PRTG: variants seen among roughly 807,000 people sequenced by gnomAD.
The protein encoded by PRTG is immunoglobulin superfamily, DCC subclass, member 5.
Under a neutral mutation model 122.5 loss-of-function variants are expected in PRTG, and 67 were observed. That is an observed-to-expected ratio of 0.55 (90% CI 0.45 to 0.67). The LOEUF is 0.67. Ranked by LOEUF, PRTG falls within the 30% of genes least tolerant of loss-of-function variation. The probability of loss-of-function intolerance (pLI) is 0.00; values close to 1 mark genes in which losing one functional copy is unlikely to be tolerated. For synonymous variants in PRTG, 554 were observed against 501.1 expected (o/e 1.11, Z -1.41); for missense variants, 1,435 against 1,415.4 (o/e 1.01, Z -0.22).
intron 11 of PRTG, 53 bp from the exon 12 acceptor site, chr15:55,641,261 A>C: frequency 7.5e-7 from 1 of 1,326,030 alleles, no homozygotes; most frequent in Non-Finnish European, 1.1e-6. Flanking sequence ...GATCTGAGCA[A>C]AGGTTCTGAA....
intron 11 of PRTG, among the ~76,000 whole-genome samples, chr15:55,651,455 A>T (rs1208720775): frequency 7.2e-5 from 11 of 152,158 alleles, no homozygotes; most frequent in Non-Finnish European, 1.5e-5. Context: ...GCAAAAGCTA[A>T]AAAGCTCGCT....
Position 55,643,437 on chromosome 15 carries a change from TTTTG to T in PRTG, c.2042-2233_2042-2230del, listed in dbSNP as rs1341483558. Reference sequence around the variant, plus strand: ...GTGTAAGCTGTGATACCAATGTTTCTTTTGTTTGTTTTCTGAGAGAGGGTCTTAC... The same window carrying T: ...GTGTAAGCTGTGATACCAATGTTTCTTTTGTTTTCTGAGAGAGGGTCTTAC... On this transcript the variant is annotated intron_variant, in intron 11 of 19. Coordinates refer to ENST00000389286, the MANE Select transcript of PRTG (RefSeq NM_173814.6). 7.2e-5 allele frequency among the ~76,000 whole-genome samples: 11 copies of T among 152,198 alleles called. 1 individual carries two copies. The highest frequency in any genetic ancestry group is 5.2e-4 in the Admixed American group (8 of 15,286).
chr15:55,644,372 T>C (rs2059308927), intron 11 of PRTG, among the ~76,000 whole-genome samples: 2 of 152,168 alleles, frequency 1.3e-5, no homozygotes. Context: ...GATAATCTTT[T>C]TTCTACCATG....
chr15:55,660,010 C>A (rs947089614), intron 11 of PRTG, among the ~76,000 whole-genome samples: 6 of 152,052 alleles, frequency 3.9e-5, no homozygotes, highest in African/African-American at 1.2e-4. Flanking sequence ...GTTTCACTAT[C>A]CATAAGTAAT....
At chr15:55,706,304 C>G (rs1322136409) in intron 2 of PRTG, among the ~76,000 whole-genome samples, 5 of 151,978 alleles carry the variant, frequency 3.3e-5, no homozygotes, top group African/African-American at 1.2e-4. Flanking sequence ...ATCAAGAAGA[C>G]AGTGACACGT....
At position 55,620,654 on chromosome 15, in the gene PRTG, A is replaced by G. The variant is rs1016185386; in HGVS notation, c.3198+9T>C. The G allele has an allele frequency of 6.4e-7, 1 of 1,574,786 alleles. No individual in the cohort carries two copies. Among genetic ancestry groups the G allele is most frequent in the African/African-American group, 1.4e-5 (1 of 72,108 alleles). ...ATTGCCAAAAATTTTTCTCATTTAG[A>G]TAGGTTACCTGCTCAACTTGTATCT... is the stretch of plus-strand genomic sequence containing the variant. On this transcript the variant is annotated intron_variant, in intron 19 of 19. Coordinates refer to ENST00000389286, the MANE Select transcript of PRTG (RefSeq NM_173814.6).
At chr15:55,681,666 T>A (rs990224893) in intron 4 of PRTG, among the ~76,000 whole-genome samples, 1 of 152,208 alleles carries the variant, frequency 6.6e-6, no homozygotes, top group Non-Finnish European at 1.5e-5. Flanking sequence ...TTCATAAACA[T>A]TGCTTTTTAT....
chr15:55,654,088 G>T (rs1040178423), intron 11 of PRTG, among the ~76,000 whole-genome samples: 1 of 152,162 alleles, frequency 6.6e-6, no homozygotes, highest in African/African-American at 2.4e-5. Flanking sequence ...AGATTGGAAG[G>T]TCCCACAAAC....
In PRTG at chr15:55,679,328, C is replaced by T; in HGVS notation, c.1091G>A (p.Gly364Glu). ...TCTACCATTCGAATGTATCTTCCTT[C>T]CATTTTTCAACCATGACATCTTGGG... ...PSPKMSWLKN[G>E]RKIHSNGRIK... The change falls in exon 7 of 20, where the codon GGA (glycine) becomes GAA (glutamate). Residue 364 changes from glycine (G) to glutamate (E), a missense_variant. Gly to Glu is a moderately conservative substitution (Grantham distance 98). Coordinates refer to ENST00000389286, the MANE Select transcript of PRTG (RefSeq NM_173814.6). 1 of 1,613,270 alleles carries T rather than the reference C, an allele frequency of 6.2e-7. No individual in the cohort carries two copies. Among genetic ancestry groups the T allele is most frequent in the Non-Finnish European group, 8.5e-7 (1 of 1,179,304 alleles).
intron 15 of PRTG, 74 bp from the exon 16 acceptor site, chr15:55,629,078 C>A: frequency 2.1e-6 from 2 of 944,756 alleles, no homozygotes; most frequent in Admixed American, 2.7e-5. Flanking sequence ...CAAACACGTT[C>A]CTTTATTTTT....
At position 55,670,840 on chromosome 15, in the gene PRTG, C is replaced by T. The variant is rs193087076; in HGVS notation, c.2041+1605G>A. On this transcript the variant is annotated intron_variant, in intron 11 of 19. Coordinates refer to ENST00000389286, the MANE Select transcript of PRTG (RefSeq NM_173814.6). ...TGCTTGAACCTGGAGGCAGAGGTTGCGGTGAGCTGAGATTGTGCCATTACA... is the reference window on the plus strand; with the variant it reads ...TGCTTGAACCTGGAGGCAGAGGTTGTGGTGAGCTGAGATTGTGCCATTACA... 3.0e-4 allele frequency among the ~76,000 whole-genome samples: 45 copies of T among 151,542 alleles called. No individual in the cohort carries two copies. The East Asian group carries it at 4.3e-3, about 14-fold the overall frequency.
chr15:55,738,015 T>C (rs1379727177), intron 2 of PRTG, among the ~76,000 whole-genome samples: 12 of 106,886 alleles, frequency 1.1e-4, no homozygotes, highest in African/African-American at 3.5e-4. Context: ...TATATATATA[T>C]ATATATATAT....
At chr15:55,727,180 T>TA (rs879367695) in intron 2 of PRTG, among the ~76,000 whole-genome samples, 68 of 149,930 alleles carry the variant, frequency 4.5e-4, no homozygotes, top group African/African-American at 1.3e-3. Context: ...ATAAATGAAA[T>TA]AAAAAAAACA....
chr15:55,721,650 C>G (rs1269912899), intron 2 of PRTG, among the ~76,000 whole-genome samples: 2 of 152,142 alleles, frequency 1.3e-5, no homozygotes, highest in East Asian at 1.9e-4. Context: ...TCCTTTCTCA[C>G]ACTACTATAA....
intron 2 of PRTG, among the ~76,000 whole-genome samples, chr15:55,721,410 ATGAGTCTT>A (rs1236207901): frequency 6.6e-6 from 1 of 152,210 alleles, no homozygotes; most frequent in Non-Finnish European, 1.5e-5. Context: ...ATAGTGTATA[ATGAGTCTT>A]TCCTTGAGTG....
chr15:55,625,340 T>C (rs1595600746), intron 17 of PRTG, among the ~76,000 whole-genome samples: 1 of 152,182 alleles, frequency 6.6e-6, no homozygotes, highest in African/African-American at 2.4e-5. Flanking sequence ...AATCCCACCA[T>C]ATGTCCCGTG....
intron 11 of PRTG, among the ~76,000 whole-genome samples, chr15:55,650,428 T>G (rs537048724): frequency 6.6e-6 from 1 of 151,944 alleles, no homozygotes; most frequent in South Asian, 2.1e-4. Context: ...GAAGAAGAGA[T>G]CTAGGCCAAG....
chr15:55,705,854 C>CTT (rs33973404), intron 2 of PRTG, among the ~76,000 whole-genome samples: 53,204 of 125,244 alleles, frequency 0.42, 14,888 homozygotes, highest in Non-Finnish European at 0.61. Context: ...ACTTGCTATT[C>CTT]TTTTTTTTTT....
At chr15:55,731,946 T>C (rs2031248529) in intron 2 of PRTG, among the ~76,000 whole-genome samples, 1 of 152,188 alleles carries the variant, frequency 6.6e-6, no homozygotes, top group South Asian at 2.1e-4. Flanking sequence ...CAAACCTAGA[T>C]GGTATAGCCT....
Sources: allele counts gnomAD v4.1 joint callset (sites outside exome capture counted in the v4.1 genomes callset), GRCh38; gene constraint gnomAD v4.1.1; transcripts MANE v1.5; gene names NCBI Gene and HGNC (gene_info 2026-07-23, HGNC 2026-07-21).